Variants in ARID4B observed in about 807,000 individuals in gnomAD.
The protein encoded by ARID4B is AT-rich interaction domain 4B, also known as AT-rich interactive domain-containing protein 4B.
A neutral mutation model predicts 147.5 loss-of-function variants in ARID4B; 26 were observed. The ratio of observed to expected loss-of-function variants is 0.18; its 90% CI spans 0.13 to 0.24. ARID4B has a LOEUF of 0.24. ARID4B is among the 10% of genes least tolerant of loss of function. ARID4B has a pLI of 1.00. For synonymous variants in ARID4B, 512 were observed against 507.9 expected (o/e 1.01, Z -0.11); for missense variants, 1,179 against 1,511.5 (o/e 0.78, Z 3.65).
chr1:235,194,011 A>G lies in ARID4B; in HGVS notation c.2125+2T>C. The G allele has an allele frequency of 6.3e-7, 1 of 1,579,440 alleles. No homozygotes were observed. The highest frequency in any genetic ancestry group is 8.7e-7 in the Non-Finnish European group (1 of 1,150,230). On this transcript the variant is annotated splice_donor_variant, in intron 19 of 23. Coordinates refer to ENST00000264183, the MANE Select transcript of ARID4B (RefSeq NM_016374.6). LOFTEE classifies it high-confidence loss of function. ...GCACAACAGAACGATTGTTATGTTTACCTTGAAGTCCATTAAGGATCGAAG... is the reference window on the plus strand; with the variant it reads ...GCACAACAGAACGATTGTTATGTTTGCCTTGAAGTCCATTAAGGATCGAAG...
At chr1:235,209,521 A>G (rs1558203810) in intron 17 of ARID4B, among the ~76,000 whole-genome samples, 4 of 152,038 alleles carry the variant, frequency 2.6e-5, no homozygotes, top group Non-Finnish European at 1.5e-5. Context: ...AAAAAAAAGA[A>G]AAATGTAAAA....
chr1:235,184,761 G>A (rs1385741128), intron 19 of ARID4B, among the ~76,000 whole-genome samples: 1 of 152,082 alleles, frequency 6.6e-6, no homozygotes, highest in East Asian at 1.9e-4. Context: ...CCTCCAAAGT[G>A]TTAACATCTG....
intron 17 of ARID4B, among the ~76,000 whole-genome samples, chr1:235,202,945 C>A (rs12092935): frequency 6.6e-6 from 1 of 152,108 alleles, no homozygotes; most frequent in African/African-American, 2.4e-5. Context: ...TATGTAATAA[C>A]AGAGTCTGCT....
intron 2 of ARID4B, among the ~76,000 whole-genome samples, chr1:235,277,919 A>T (rs1390772263): frequency 6.6e-6 from 1 of 152,190 alleles, no homozygotes; most frequent in African/African-American, 2.4e-5. Flanking sequence ...CTGGTAGGTC[A>T]CAGTGGTATT....
At chr1:235,256,863 A>G (rs1451348759) in intron 4 of ARID4B, among the ~76,000 whole-genome samples, 3 of 151,966 alleles carry the variant, frequency 2.0e-5, no homozygotes, top group South Asian at 2.1e-4. Flanking sequence ...TTTTACTACC[A>G]TATCAAGTAT....
intron 2 of ARID4B, among the ~76,000 whole-genome samples, chr1:235,272,408 G>T (rs1671049977): frequency 6.6e-6 from 1 of 152,146 alleles, no homozygotes; most frequent in African/African-American, 2.4e-5. Context: ...AAATTCATGA[G>T]ATAATTGTTA....
chr1:235,196,018 A>G lies in ARID4B; in HGVS notation c.1926+13T>C, dbSNP rs1665467504. 1 of 1,556,930 alleles carries G rather than the reference A, an allele frequency of 6.4e-7. No homozygotes were observed. Among genetic ancestry groups the G allele is most frequent in the Non-Finnish European group, 8.8e-7 (1 of 1,138,812 alleles). On this transcript the variant is annotated intron_variant, in intron 18 of 23. Transcript: ENST00000264183. ...TTAAGAGCTAATAGTGTGTAGTAAA[A>G]ACAAGCACTTACCTTTATTTTCTTC...
Position 235,230,411 on chromosome 1 carries a change from A to AAAAAC in ARID4B, c.742+697_742+701dup, listed in dbSNP as rs67278012. Among the ~76,000 whole-genome samples the AAAAAC allele has an allele frequency of 7.4e-3, 1,089 of 146,432 alleles. 12 individuals carry two copies. Among genetic ancestry groups the AAAAAC allele is most frequent in the African/African-American group, 0.024 (936 of 39,122 alleles). On this transcript the variant is annotated intron_variant, in intron 10 of 23. Coordinates refer to ENST00000264183, the MANE Select transcript of ARID4B (RefSeq NM_016374.6). Reference sequence around the variant, plus strand: ...GCGACAGAGCAAGACTCCATCTCAAAAAAACAAAACAAAACAAAACAAAAC... The same window carrying AAAAAC: ...GCGACAGAGCAAGACTCCATCTCAAAAAAACAAAACAAAACAAAACAAAACAAAAC...
chr1:235,167,729 T>C lies in ARID4B; in HGVS notation c.*796A>G, dbSNP rs1663055615. Reference sequence around the variant, plus strand: ...TGTTATAATTCATTATGAATAAATATACACTTTGAACTGGCTAAGTACAAT... The same window carrying C: ...TGTTATAATTCATTATGAATAAATACACACTTTGAACTGGCTAAGTACAAT... On this transcript the variant is annotated 3_prime_UTR_variant, in exon 24 of 24. Coordinates refer to ENST00000264183, the MANE Select transcript of ARID4B (RefSeq NM_016374.6). 5.1e-6 allele frequency: 1 copy of C among 197,500 alleles called. No homozygotes were observed. The highest frequency in any genetic ancestry group is 2.3e-5 in the African/African-American group (1 of 43,400). 12.2% of individuals were successfully genotyped at this position (197,500 alleles called of 1,614,324 possible).
chr1:235,263,823 TA>T (rs539952097), intron 2 of ARID4B, among the ~76,000 whole-genome samples: 245 of 143,080 alleles, frequency 1.7e-3, no homozygotes, highest in Non-Finnish European at 1.4e-3. Context: ...CCGTCTCTAC[TA>T]AAAAAAAAAA....
intron 2 of ARID4B, among the ~76,000 whole-genome samples, chr1:235,317,745 G>C (rs1461205282): frequency 6.6e-6 from 1 of 152,096 alleles, no homozygotes; most frequent in African/African-American, 2.4e-5. Context: ...GAGATCCAAA[G>C]AGCCAGGAAT....
chr1:235,239,859 A>G (rs1168480067), intron 8 of ARID4B, among the ~76,000 whole-genome samples: 1 of 152,230 alleles, frequency 6.6e-6, no homozygotes, highest in African/African-American at 2.4e-5. Context: ...AGAAAATTGA[A>G]GAGTGGGGTA....
chr1:235,301,624 C>A (rs1196017385), intron 2 of ARID4B, among the ~76,000 whole-genome samples: 2 of 150,106 alleles, frequency 1.3e-5, no homozygotes, highest in East Asian at 2.0e-4. Flanking sequence ...CAGCTCACTG[C>A]AACCTCCCTC....
At chr1:235,311,304 G>C (rs929478459) in intron 2 of ARID4B, among the ~76,000 whole-genome samples, 14 of 150,938 alleles carry the variant, frequency 9.3e-5, no homozygotes, top group African/African-American at 3.4e-4. Flanking sequence ...AGTGAGCCGT[G>C]ATTGTACTGT....
chr1:235,220,599 TAG>T, intron 14 of ARID4B, 54 bp from the exon 15 acceptor site: 5 of 1,354,248 alleles, frequency 3.7e-6, no homozygotes, highest in Non-Finnish European at 4.9e-6. Context: ...AATATAACTA[TAG>T]AGTTATTTTT....
intron 2 of ARID4B, among the ~76,000 whole-genome samples, chr1:235,316,692 G>T (rs1187902160): frequency 6.6e-6 from 1 of 151,928 alleles, no homozygotes; most frequent in Non-Finnish European, 1.5e-5. Flanking sequence ...GGTGGCAGGC[G>T]CCTGTAATCC....
chr1:235,175,045 T>C (rs561854097), intron 22 of ARID4B, 139 bp downstream of exon 22: 2 of 724,942 alleles, frequency 2.8e-6, no homozygotes, highest in Non-Finnish European at 4.5e-6. Flanking sequence ...GGCTGAAGAT[T>C]ACAGTGAGCC....
chr1:235,172,397 C>T (rs1004258208), intron 23 of ARID4B, among the ~76,000 whole-genome samples: 1 of 151,900 alleles, frequency 6.6e-6, no homozygotes, highest in South Asian at 2.1e-4. Flanking sequence ...ATTGACATGG[C>T]GAAACCCTGT....
intron 2 of ARID4B, among the ~76,000 whole-genome samples, chr1:235,264,311 C>G (rs1670466047): frequency 6.6e-6 from 1 of 152,150 alleles, no homozygotes; most frequent in Non-Finnish European, 1.5e-5. Context: ...ATGAAACTGT[C>G]AAACTATTTT....
Sources: gnomAD v4.1 joint callset for allele counts (sites outside exome capture counted in the v4.1 genomes callset) on GRCh38, gnomAD v4.1.1 for gene constraint, MANE v1.5 for transcripts, NCBI Gene and HGNC (gene_info 2026-07-23, HGNC 2026-07-21) for gene names.